The following CEP170 variants were observed in gnomAD, a reference collection of about 807,000 sequenced individuals.
CEP170 encodes centrosomal protein of 170 kDa.
A neutral mutation model predicts 151.9 loss-of-function variants in CEP170; 21 were observed. The observed-to-expected ratio is 0.14, with a 90% confidence interval of 0.10 to 0.20. The LOEUF (loss-of-function observed/expected upper bound fraction) is 0.20, where lower values mean the gene tolerates loss of function less well. Ranked by LOEUF, CEP170 falls within the 10% of genes least tolerant of loss-of-function variation. The probability of loss-of-function intolerance (pLI) is 1.00; values close to 1 mark genes in which losing one functional copy is unlikely to be tolerated. For synonymous variants in CEP170, 356 were observed against 648.8 expected, an observed-to-expected ratio of 0.55 and a Z score of 6.86; for missense variants, 964 against 1,892.9, an observed-to-expected ratio of 0.51 and a Z score of 9.11.
At chr1:243,166,404 G>T (rs911235465) in intron 12 of CEP170, 5 of 333,510 alleles carry the variant, frequency 1.5e-5, no homozygotes, top group Non-Finnish European at 2.7e-5. Flanking sequence ...ATTGCTTAGT[G>T]AATAAGTACA....
At chr1:243,159,535 C>A (rs1260235194) in intron 13 of CEP170, among the ~76,000 whole-genome samples, 2 of 152,128 alleles carry the variant, frequency 1.3e-5, no homozygotes, top group African/African-American at 2.4e-5. Flanking sequence ...AAATAAACTT[C>A]AAGTTAAAAT....
At chr1:243,212,676 A>G (rs757976237) in intron 3 of CEP170, among the ~76,000 whole-genome samples, 3 of 91,222 alleles carry the variant, frequency 3.3e-5, no homozygotes, top group Admixed American at 1.4e-4. Flanking sequence ...ATTTACTATT[A>G]TATTTTCTTT....
At chr1:243,211,054 C>T (rs996266027) in intron 4 of CEP170, among the ~76,000 whole-genome samples, 9 of 149,738 alleles carry the variant, frequency 6.0e-5, no homozygotes, top group South Asian at 2.1e-4. Context: ...ATGCTTAATA[C>T]ATTCTTTATT....
At chr1:243,147,087 A>G (rs1255826868) in intron 14 of CEP170, among the ~76,000 whole-genome samples, 13 of 152,218 alleles carry the variant, frequency 8.5e-5, no homozygotes, top group African/African-American at 2.9e-4. Context: ...ATCTCCAAAT[A>G]AAAGACAGTA....
At chr1:243,161,518 G>A (rs3015152) in intron 13 of CEP170, among the ~76,000 whole-genome samples, 3 of 152,076 alleles carry the variant, frequency 2.0e-5, no homozygotes, top group Non-Finnish European at 4.4e-5. Flanking sequence ...GTCCAAGGCT[G>A]GAATGCAGTA....
rs190913512 is a variant in CEP170, at chr1:243,251,362, A to G, written c.-42+3678T>C. The stretch of plus-strand genomic sequence containing the variant: ...AGTGGTACCCTTTAACTTACTAAAA[A>G]AGATGAGTAGAAAGAATTTTGGCTT... On this transcript the variant is annotated intron_variant, in intron 1 of 19. Transcript: ENST00000366542. 5.1e-3 allele frequency among the ~76,000 whole-genome samples: 780 copies of G among 152,324 alleles called. 6 individuals are homozygous for G. Among genetic ancestry groups the G allele is most frequent in the African/African-American group, 0.018 (752 of 41,586 alleles).
chr1:243,244,443 T>C (rs1162382900), intron 1 of CEP170, among the ~76,000 whole-genome samples: 2 of 151,988 alleles, frequency 1.3e-5, no homozygotes, highest in Non-Finnish European at 2.9e-5. Context: ...ACAAATAGTT[T>C]AGAAAGTAAA....
chr1:243,247,415 G>A (rs1471297153), intron 1 of CEP170, among the ~76,000 whole-genome samples: 4 of 152,134 alleles, frequency 2.6e-5, no homozygotes. Flanking sequence ...GTACAGTGAC[G>A]TGATCTTGGC....
intron 10 of CEP170, among the ~76,000 whole-genome samples, chr1:243,182,438 T>C (rs2059681109): frequency 6.6e-6 from 1 of 152,060 alleles, no homozygotes; most frequent in Middle Eastern, 3.4e-3. Flanking sequence ...ACCTAAGATC[T>C]AGTCATTAAC....
chr1:243,175,475 T>C (rs1480347756), intron 10 of CEP170, among the ~76,000 whole-genome samples: 1 of 152,242 alleles, frequency 6.6e-6, no homozygotes, highest in Non-Finnish European at 1.5e-5. Context: ...TATGCGTTTC[T>C]GCCTCTAAGT....
chr1:243,162,338 T>C (rs1055061613), intron 13 of CEP170, among the ~76,000 whole-genome samples: 1 of 152,208 alleles, frequency 6.6e-6, no homozygotes, highest in Admixed American at 6.5e-5. Context: ...GCCACTGCCA[T>C]GTGCCCAGGG....
intron 4 of CEP170, among the ~76,000 whole-genome samples, chr1:243,203,782 TAAC>T (rs1558579595): frequency 6.6e-6 from 1 of 152,134 alleles, no homozygotes; most frequent in Non-Finnish European, 1.5e-5. Context: ...TTCCCTCATT[TAAC>T]AACAATTGAT....
chr1:243,210,776 G>C (rs1481844153), intron 4 of CEP170, among the ~76,000 whole-genome samples: 6 of 151,416 alleles, frequency 4.0e-5, no homozygotes, highest in Non-Finnish European at 5.9e-5. Flanking sequence ...CACCATGACT[G>C]GTTATTTAAA....
chr1:243,184,980 C>T lies in CEP170; in HGVS notation c.1566+799G>A, dbSNP rs915330274. Reference sequence around the variant, plus strand: ...AACAAAAGATTAACGTTTAGCCAAACGGATACTGCTGTTTTGCAAGAGGTA... The same window carrying T: ...AACAAAAGATTAACGTTTAGCCAAATGGATACTGCTGTTTTGCAAGAGGTA... On this transcript the variant is annotated intron_variant, in intron 10 of 19. Transcript: ENST00000366542. 3.9e-5 allele frequency among the ~76,000 whole-genome samples: 6 copies of T among 152,134 alleles called. No individual in the cohort carries two copies. The South Asian group carries it at 6.2e-4, about 16-fold the overall frequency.
intron 1 of CEP170, among the ~76,000 whole-genome samples, chr1:243,246,828 T>C (rs1176891753): frequency 2.6e-5 from 4 of 152,194 alleles, no homozygotes; most frequent in Non-Finnish European, 4.4e-5. Flanking sequence ...CAATGCATTA[T>C]ATGCATTTTT....
intron 15 of CEP170, 29 bp from the exon 16 acceptor site, chr1:243,140,136 G>A (rs763336621): frequency 6.3e-6 from 10 of 1,592,984 alleles, no homozygotes; most frequent in Non-Finnish European, 8.6e-6. Context: ...ACCTTTATGA[G>A]AACACAGTAA....
At chr1:243,141,910 TATC>T (rs1199195277) in intron 15 of CEP170, among the ~76,000 whole-genome samples, 2 of 152,252 alleles carry the variant, frequency 1.3e-5, no homozygotes, top group Admixed American at 6.5e-5. Flanking sequence ...TTCTCTTTGT[TATC>T]AGAGTATCTT....
intron 4 of CEP170, among the ~76,000 whole-genome samples, chr1:243,209,842 G>A (rs2061665041): frequency 6.6e-6 from 1 of 151,920 alleles, no homozygotes; most frequent in Admixed American, 6.6e-5. Context: ...ACAGGCGCCC[G>A]CCACCATGCC....
intron 1 of CEP170, among the ~76,000 whole-genome samples, chr1:243,252,001 A>G (rs1427774271): frequency 2.6e-5 from 4 of 151,960 alleles, no homozygotes; most frequent in Non-Finnish European, 5.9e-5. Context: ...ACTGCTGAAC[A>G]CTCCTTTATG....
Sources: gnomAD v4.1 joint callset for allele counts (sites outside exome capture counted in the v4.1 genomes callset) on GRCh38, gnomAD v4.1.1 for gene constraint, MANE v1.5 for transcripts, NCBI Gene and HGNC (gene_info 2026-07-23, HGNC 2026-07-21) for gene names.